LARP4B: variants seen among roughly 807,000 people sequenced by gnomAD.
LARP4B encodes La ribonucleoprotein 4B.
LARP4B carries 12 observed loss-of-function variants against 89.8 expected under a neutral mutation model. The observed-to-expected ratio is 0.13, with a 90% confidence interval of 0.09 to 0.22. The LOEUF is 0.22. Among genes scored for constraint, LARP4B ranks in the 10% least tolerant of loss-of-function variants. LARP4B has a pLI of 1.00. For synonymous variants in LARP4B, 367 were observed against 363.3 expected (o/e 1.01, Z -0.12); for missense variants, 757 against 947.7 (o/e 0.80, Z 2.64).
chr10:876,241 G>A (rs1248557148), intron 3 of LARP4B, among the ~76,000 whole-genome samples: 2 of 151,974 alleles, frequency 1.3e-5, no homozygotes, highest in African/African-American at 2.4e-5. Flanking sequence ...AAAATTAGCC[G>A]GGTGTGGTGG....
At chr10:829,195 A>G (rs1022497430) in intron 11 of LARP4B, among the ~76,000 whole-genome samples, 190 bp downstream of exon 11, 2 of 152,236 alleles carry the variant, frequency 1.3e-5, no homozygotes, top group African/African-American at 4.8e-5. Context: ...TTGTGCTCAC[A>G]GCAATCCAAA....
intron 1 of LARP4B, among the ~76,000 whole-genome samples, chr10:899,322 G>A (rs1482681328): frequency 6.6e-6 from 1 of 152,114 alleles, no homozygotes; most frequent in Non-Finnish European, 1.5e-5. Context: ...CTGTATGGGA[G>A]CCAAATATAA....
At chr10:825,415 C>T in intron 12 of LARP4B, 99 bp from the exon 13 acceptor site, 1 of 1,182,738 alleles carries the variant, frequency 8.5e-7, no homozygotes, top group Admixed American at 2.1e-5. Context: ...AATCTGCTCT[C>T]TGTTTAATAA....
chr10:901,076 C>G (rs576449268), intron 1 of LARP4B, among the ~76,000 whole-genome samples: 2 of 151,730 alleles, frequency 1.3e-5, no homozygotes, highest in African/African-American at 4.8e-5. Context: ...CCTGCCACCA[C>G]GCCCGGCTAA....
At chr10:807,394 C>A (rs1436618027), downstream of LARP4B, 1 of 152,294 alleles carries the variant, frequency 6.6e-6, no homozygotes, top group Non-Finnish European at 1.5e-5. Context: ...CCGAGGAAAT[C>A]CTGGTCGTGA....
chr10:954,743 C>T, the LARP4B span, among the ~76,000 whole-genome samples: 9 of 152,006 alleles, frequency 5.9e-5, no homozygotes, highest in East Asian at 1.9e-4. This position sits in a 1 kb window ranked among gnomAD's most constrained non-coding sequence, Gnocchi z 5.0. Flanking sequence ...GTCTCCTCCC[C>T]GCACTTCCCA....
intron 5 of LARP4B, among the ~76,000 whole-genome samples, chr10:857,206 G>A (rs1179927160): frequency 6.6e-6 from 1 of 152,106 alleles, no homozygotes; most frequent in Admixed American, 6.5e-5. Flanking sequence ...AGAATTATGA[G>A]ACAGGGAATT....
In LARP4B at chr10:912,626, C is replaced by T. The variant is rs144044800; in HGVS notation, c.-40+18802G>A. Among the ~76,000 whole-genome samples, 160 of 147,474 alleles carry T rather than the reference C, an allele frequency of 1.1e-3. 3 individuals are homozygous for T. In the East Asian group the frequency reaches 0.031, roughly 28 times the overall value. On this transcript the variant is annotated intron_variant, in intron 1 of 17. Coordinates refer to ENST00000316157, the MANE Select transcript of LARP4B (RefSeq NM_015155.3). ...TTGGCTCACACCTGTAATCTCAGCA[C>T]TTTGGGAGGCTGAGGCGGGCAGATC...
the LARP4B span, among the ~76,000 whole-genome samples, chr10:957,381 G>T: frequency 6.6e-6 from 1 of 152,006 alleles, no homozygotes; most frequent in Admixed American, 6.6e-5. Context: ...GGTCAGGCTG[G>T]TCTCAAACTC....
At chr10:815,202 C>T (rs1831970731) in intron 15 of LARP4B, 132 bp from the exon 16 acceptor site, 5 of 1,096,326 alleles carry the variant, frequency 4.6e-6, no homozygotes, top group Admixed American at 3.1e-5. Context: ...GGGTCTTCTC[C>T]AGCAAAAATG....
In LARP4B at chr10:930,815, G is replaced by T. The variant is rs1031488086; in HGVS notation, c.-40+613C>A. On this transcript the variant is annotated intron_variant, in intron 1 of 17. Transcript: ENST00000316157. ...AGGATCCCAACTTCCTGGTTCTAAA[G>T]GAATGCGATGCCCTGATGACCCGTC... is the stretch of plus-strand genomic sequence containing the variant. Among the ~76,000 whole-genome samples, 51 of 152,162 alleles carry T rather than the reference G, an allele frequency of 3.4e-4. 1 individual carries two copies. Among genetic ancestry groups the T allele is most frequent in the Admixed American group, 3.3e-3 (51 of 15,276 alleles).
chr10:827,689 G>A (rs1180309109), intron 11 of LARP4B, among the ~76,000 whole-genome samples: 1 of 152,030 alleles, frequency 6.6e-6, no homozygotes, highest in African/African-American at 2.4e-5. Flanking sequence ...TCCCCGAGAG[G>A]GTCAACCATG....
At chr10:941,603 G>A in the LARP4B span, among the ~76,000 whole-genome samples, 1 of 152,206 alleles carries the variant, frequency 6.6e-6, no homozygotes. Flanking sequence ...TTACAGGCGC[G>A]AGCCACTGCA....
At chr10:933,520 T>A (rs12774826), upstream of LARP4B, among the ~76,000 whole-genome samples, 32 of 152,330 alleles carry the variant, frequency 2.1e-4, no homozygotes, top group Non-Finnish European at 2.8e-4. Context: ...TTGGGTGCCT[T>A]CTTTGTGAAA....
At position 842,475 on chromosome 10, in the gene LARP4B, C is replaced by T. The variant is rs532235353; in HGVS notation, c.646+457G>A. ...CCTCCAAAAGTGCTGGGATTACACG[C>T]GTAAGCCACCACACCTGGCCCACAA... On this transcript the variant is annotated intron_variant, in intron 7 of 17. Transcript: ENST00000316157. 4.6e-5 allele frequency among the ~76,000 whole-genome samples: 7 copies of T among 152,102 alleles called. No homozygotes were observed. The South Asian group carries it at 8.3e-4, about 18-fold the overall frequency.
the LARP4B span, among the ~76,000 whole-genome samples, chr10:984,306 C>G: frequency 2.0e-5 from 3 of 152,146 alleles, no homozygotes; most frequent in African/African-American, 7.2e-5. Context: ...TATTTAGAAT[C>G]ATTTGGAAAT....
chr10:907,102 A>C (rs1836513703), intron 1 of LARP4B, among the ~76,000 whole-genome samples: 1 of 152,176 alleles, frequency 6.6e-6, no homozygotes, highest in African/African-American at 2.4e-5. Flanking sequence ...AAACCTTTAC[A>C]CCCAGGAATA....
At chr10:869,887 ACT>A (rs1175122467) in intron 3 of LARP4B, 1 of 223,788 alleles carries the variant, frequency 4.5e-6, no homozygotes, top group Non-Finnish European at 7.2e-6. Flanking sequence ...CAAAAGTGAG[ACT>A]CTGTCTCAAA....
chr10:830,417 T>C (rs1254222348), intron 9 of LARP4B, among the ~76,000 whole-genome samples: 1 of 152,198 alleles, frequency 6.6e-6, no homozygotes, highest in African/African-American at 2.4e-5. Flanking sequence ...TGTGCGTTAG[T>C]TTCCTCACAA....
Sources: gnomAD v4.1 joint callset for allele counts (sites outside exome capture counted in the v4.1 genomes callset) on GRCh38, gnomAD v4.1.1 for gene constraint, Gnocchi (gnomAD v3.1) non-coding constraint, MANE v1.5 for transcripts, NCBI Gene and HGNC (gene_info 2026-07-23, HGNC 2026-07-21) for gene names.